The following KLRG1 variants were observed in gnomAD, a reference collection of about 807,000 sequenced individuals.
KLRG1 encodes the protein killer cell lectin like receptor G1, also known as killer cell lectin-like receptor subfamily G member 1.
Under a neutral mutation model 21.8 loss-of-function variants are expected in KLRG1, and 16 were observed. The observed-to-expected ratio is 0.73, with a 90% CI of 0.50 to 1.11. The LOEUF is 1.11. KLRG1 is among the 50% of genes most tolerant of loss of function. KLRG1 has a pLI of 0.00. For missense variants in KLRG1, 173 were observed against 218.3 expected, an observed-to-expected ratio of 0.79 and a Z score of 1.31; for synonymous variants, 69 against 75.9, an observed-to-expected ratio of 0.91 and a Z score of 0.47.
chr12:9,008,521 A>G (rs1482298854), intron 3 of KLRG1, among the ~76,000 whole-genome samples: 1 of 152,218 alleles, frequency 6.6e-6, no homozygotes, highest in African/African-American at 2.4e-5. Context: ...CATAGACTGG[A>G]TCGCTTGAAC....
chr12:9,009,278 G>A, intron 4 of KLRG1, 148 bp from the exon 5 acceptor site: 1 of 988,902 alleles, frequency 1.0e-6, no homozygotes, highest in Non-Finnish European at 1.4e-6. Flanking sequence ...AAGAGAGGCT[G>A]ATGAACAATT....
intron 1 of KLRG1, among the ~76,000 whole-genome samples, chr12:8,960,309 C>T (rs751760157): frequency 6.6e-6 from 1 of 152,172 alleles, no homozygotes; most frequent in Admixed American, 6.5e-5. Context: ...GGTCAGAGTA[C>T]CAGAGAAAAG....
intron 1 of KLRG1, among the ~76,000 whole-genome samples, chr12:8,961,722 T>G (rs1169751062): frequency 2.6e-5 from 4 of 152,122 alleles, no homozygotes; most frequent in Non-Finnish European, 5.9e-5. Context: ...ATGGCAGCGA[T>G]TTTTAAAAGA....
chr12:9,113,916 A>T, the KLRG1 span, among the ~76,000 whole-genome samples: 1 of 152,258 alleles, frequency 6.6e-6, no homozygotes, highest in Admixed American at 6.5e-5. Flanking sequence ...AGTCATGCGG[A>T]CATTACAAAA....
intron 3 of KLRG1, among the ~76,000 whole-genome samples, chr12:9,003,258 T>A (rs1196007115): frequency 6.6e-6 from 1 of 152,122 alleles, no homozygotes; most frequent in East Asian, 1.9e-4. Context: ...CCTCTTGAAA[T>A]GAAAGAAAAA....
the KLRG1 span, among the ~76,000 whole-genome samples, chr12:9,022,053 A>C: frequency 3.0e-5 from 4 of 135,332 alleles, no homozygotes; most frequent in Admixed American, 2.3e-4. Flanking sequence ...TGGGCCCAGG[A>C]GGTTGAGGCT....
chr12:9,149,752 C>T, the KLRG1 span: 1 of 636,870 alleles, frequency 1.6e-6, no homozygotes, highest in Non-Finnish European at 2.7e-6. Flanking sequence ...TAAACAGGAT[C>T]ATTAACATAT....
chr12:8,951,956 G>A (rs927966294), intron 1 of KLRG1, among the ~76,000 whole-genome samples: 15 of 152,196 alleles, frequency 9.9e-5, no homozygotes, highest in Non-Finnish European at 1.9e-4. Context: ...AACAACCTGG[G>A]TCACTTCCTT....
At chr12:8,978,418 C>T (rs972030309) in intron 1 of KLRG1, among the ~76,000 whole-genome samples, 12 of 152,104 alleles carry the variant, frequency 7.9e-5, no homozygotes, top group African/African-American at 2.9e-4. Context: ...TCAAATAATC[C>T]TACTGCCTTG....
chr12:9,164,036 T>A, the KLRG1 span: 4 of 1,437,772 alleles, frequency 2.8e-6, no homozygotes, highest in Admixed American at 8.4e-5. Context: ...TATAGAATTA[T>A]ATCTATGGCA....
the KLRG1 span, among the ~76,000 whole-genome samples, chr12:9,206,965 A>C: frequency 6.6e-6 from 1 of 152,166 alleles, no homozygotes; most frequent in African/African-American, 2.4e-5. Flanking sequence ...TTCTGGATGG[A>C]GAGCAGCTGG....
At chr12:9,075,702 T>G in the KLRG1 span, among the ~76,000 whole-genome samples, 13 of 151,710 alleles carry the variant, frequency 8.6e-5, no homozygotes, top group African/African-American at 2.9e-4. Flanking sequence ...ATGAAACACA[T>G]GTGAAGATTC....
chr12:9,213,746 A>G, the KLRG1 span, among the ~76,000 whole-genome samples: 2 of 152,074 alleles, frequency 1.3e-5, no homozygotes, highest in African/African-American at 2.4e-5. Flanking sequence ...TTTATCAGAT[A>G]TATAATTTGC....
the KLRG1 span, chr12:9,070,639 T>G: frequency 8.5e-7 from 1 of 1,177,230 alleles, no homozygotes. Context: ...TTTCTTCTTC[T>G]ATGTCCATGT....
chr12:9,017,264 C>CAAAAAAAAAAAAA, the KLRG1 span, among the ~76,000 whole-genome samples: 1 of 53,130 alleles, frequency 1.9e-5, no homozygotes, highest in Non-Finnish European at 3.2e-5. Flanking sequence ...AACTCCATCT[C>CAAAAAAAAAAAAA]AAAAAAAAAA....
chr12:9,176,711 G>A, the KLRG1 span, among the ~76,000 whole-genome samples: 1 of 152,208 alleles, frequency 6.6e-6, no homozygotes, highest in Non-Finnish European at 1.5e-5. Flanking sequence ...TGCCAGGCTT[G>A]ATCTCAGAGT....
chr12:9,095,151 T>G, the KLRG1 span: 5 of 804,008 alleles, frequency 6.2e-6, no homozygotes, highest in South Asian at 1.2e-4. Context: ...AGCTACTTCT[T>G]TTTATTGAAT....
chr12:8,972,524 C>T (rs1463165815), intron 1 of KLRG1, among the ~76,000 whole-genome samples: 2 of 152,188 alleles, frequency 1.3e-5, no homozygotes, highest in Non-Finnish European at 2.9e-5. Context: ...CATTCTTCTG[C>T]ATGTAGATAT....
At chr12:9,214,445 G>T in the KLRG1 span, among the ~76,000 whole-genome samples, 1 of 151,874 alleles carries the variant, frequency 6.6e-6, no homozygotes, top group Non-Finnish European at 1.5e-5. Flanking sequence ...ATCTTTATCC[G>T]ATTAAGTCTT....
Sources: allele counts gnomAD v4.1 joint callset (sites outside exome capture counted in the v4.1 genomes callset), GRCh38; gene constraint gnomAD v4.1.1; transcripts MANE v1.5; gene names NCBI Gene and HGNC (gene_info 2026-07-23, HGNC 2026-07-21).